The following DDX10 variants were observed in gnomAD, a reference collection of about 807,000 sequenced individuals.
DDX10 encodes DEAD-box helicase 10.
In DDX10, 74 loss-of-function variants were observed where a neutral mutation model predicts 104.3. That is an observed-to-expected ratio of 0.71 (90% CI 0.59 to 0.86). DDX10 has a LOEUF of 0.86. Ranked by LOEUF, DDX10 falls within the 40% of genes least tolerant of loss-of-function variation. The probability of loss-of-function intolerance (pLI) is 0.00; values close to 1 mark genes in which losing one functional copy is unlikely to be tolerated. For synonymous variants in DDX10, 351 were observed against 353.4 expected, an observed-to-expected ratio of 0.99 and a Z score of 0.08; for missense variants, 952 against 1,040.0, an observed-to-expected ratio of 0.92 and a Z score of 1.16.
At chr11:108,814,617 A>T (rs1376716162) in intron 13 of DDX10, among the ~76,000 whole-genome samples, 1 of 152,186 alleles carries the variant, frequency 6.6e-6, no homozygotes, top group Non-Finnish European at 1.5e-5. Context: ...TGCTTCATAC[A>T]ATCTTGAGCT....
chr11:108,674,165 T>C (rs1265302466), intron 2 of DDX10, among the ~76,000 whole-genome samples: 1 of 151,860 alleles, frequency 6.6e-6, no homozygotes, highest in African/African-American at 2.4e-5. Flanking sequence ...CTACTAAAAA[T>C]ACAAAAATTA....
At chr11:108,805,161 T>G (rs1023882331) in intron 13 of DDX10, among the ~76,000 whole-genome samples, 1 of 152,224 alleles carries the variant, frequency 6.6e-6, no homozygotes, top group African/African-American at 2.4e-5. Context: ...TTATATATTG[T>G]GTTCATGCCA....
chr11:108,918,828 T>C (rs1033809998), intron 17 of DDX10: 1 of 152,200 alleles, frequency 6.6e-6, no homozygotes, highest in South Asian at 2.1e-4. Context: ...TAAGAGTTTA[T>C]TGATTTCAAA....
chr11:108,772,769 T>C (rs1037007093), intron 13 of DDX10, among the ~76,000 whole-genome samples: 16 of 152,166 alleles, frequency 1.1e-4, no homozygotes, highest in African/African-American at 3.6e-4. Flanking sequence ...TCATAGGCGC[T>C]CGATCCCTAT....
intron 16 of DDX10, among the ~76,000 whole-genome samples, chr11:108,891,409 A>G (rs570751223): frequency 6.6e-6 from 1 of 152,284 alleles, no homozygotes; most frequent in South Asian, 2.1e-4. Context: ...TGGCTGGCAG[A>G]TAATTAAGTC....
At chr11:108,672,026 A>G (rs190428583) in intron 1 of DDX10, among the ~76,000 whole-genome samples, 5 of 138,240 alleles carry the variant, frequency 3.6e-5, no homozygotes, top group African/African-American at 5.4e-5. Context: ...GCGCCACTGC[A>G]CTCCAGCCTG....
intron 17 of DDX10, among the ~76,000 whole-genome samples, chr11:108,926,983 G>A (rs1005726919): frequency 9.9e-5 from 15 of 152,168 alleles, no homozygotes; most frequent in Admixed American, 3.9e-4. Context: ...CTAAATTCTT[G>A]TCTCTCACAG....
At chr11:108,744,374 C>T (rs773940896) in intron 13 of DDX10, among the ~76,000 whole-genome samples, 8 of 152,036 alleles carry the variant, frequency 5.3e-5, no homozygotes, top group Non-Finnish European at 5.9e-5. Flanking sequence ...ACTTAGAACC[C>T]CAACTTTATT....
intron 13 of DDX10, among the ~76,000 whole-genome samples, chr11:108,732,473 T>C (rs1237045179): frequency 2.6e-5 from 4 of 152,206 alleles, no homozygotes; most frequent in Admixed American, 1.3e-4. Context: ...GTGCGCACAC[T>C]TGGAGTATAA....
chr11:108,904,102 T>A (rs982426162), intron 16 of DDX10, among the ~76,000 whole-genome samples: 26 of 151,924 alleles, frequency 1.7e-4, no homozygotes, highest in Non-Finnish European at 3.4e-4. Context: ...AGAAAAAAAA[T>A]TTTTTTTACT....
intron 16 of DDX10, among the ~76,000 whole-genome samples, chr11:108,882,691 TAAC>T (rs754491515): frequency 5.3e-5 from 8 of 152,332 alleles, no homozygotes; most frequent in Non-Finnish European, 1.2e-4. Context: ...AAGTGAGACT[TAAC>T]AAGTTTCTTG....
At position 108,770,096 on chromosome 11, in the gene DDX10, A is replaced by G. The variant is rs907009723; in HGVS notation, c.1965+46634A>G. 2.6e-5 allele frequency among the ~76,000 whole-genome samples: 4 copies of G among 152,232 alleles called. No individual in the cohort carries two copies. In the East Asian group the frequency reaches 5.8e-4, roughly 22 times the overall value. On this transcript the variant is annotated intron_variant, in intron 13 of 17. Coordinates refer to ENST00000322536, the MANE Select transcript of DDX10 (RefSeq NM_004398.4). Reference sequence around the variant, plus strand: ...AGGTGTTAAGAAAATCTGGCCTCACACAGATTGGTAGTGGGAAAAGGAGGA... The same window carrying G: ...AGGTGTTAAGAAAATCTGGCCTCACGCAGATTGGTAGTGGGAAAAGGAGGA...
chr11:108,867,583 G>A (rs1863023681), intron 16 of DDX10, among the ~76,000 whole-genome samples: 1 of 152,158 alleles, frequency 6.6e-6, no homozygotes, highest in South Asian at 2.1e-4. Flanking sequence ...TGTGTATGGA[G>A]TACATTCATT....
chr11:108,717,683 A>G (rs984260087), intron 11 of DDX10, among the ~76,000 whole-genome samples: 3 of 152,198 alleles, frequency 2.0e-5, no homozygotes, highest in Non-Finnish European at 4.4e-5. Context: ...GCAAATTATC[A>G]TTGGTGTGCT....
rs1372341058 is a variant in DDX10 at position 108,723,390 on chromosome 11, A to G, written c.1893A>G (p.Glu631=). The change falls in exon 13 of 18, where the codon GAA becomes GAG. Residue 631 remains glutamate, a synonymous_variant. Transcript: ENST00000322536. ...TQFLDRDEEE[E]DADFLKVKRH... ...TCTTGGACAGAGATGAGGAGGAAGA[A>G]GATGCTGATTTCTTGAAGGTGAAGC... The G allele has an allele frequency of 9.9e-6, 16 of 1,614,004 alleles. No individual in the cohort carries two copies. Among genetic ancestry groups the G allele is most frequent in the Middle Eastern group, 1.7e-4 (1 of 6,058 alleles).
At chr11:108,856,388 G>A (rs1348789552) in intron 16 of DDX10, among the ~76,000 whole-genome samples, 1 of 151,740 alleles carries the variant, frequency 6.6e-6, no homozygotes, top group East Asian at 1.9e-4. Context: ...CCGAGATTAC[G>A]CCACTGCAGT....
rs778896849 is a variant in DDX10 at position 108,675,636 on chromosome 11, G to T, written c.288G>T (p.Gln96His). 1 of 1,614,190 alleles carries T rather than the reference G, an allele frequency of 6.2e-7. No individual in the cohort carries two copies. The highest frequency in any genetic ancestry group is 2.2e-5 in the East Asian group (1 of 44,888). Residue 96 changes from glutamine (Q) to histidine (H), a missense_variant, in exon 3 of 18, where the codon CAG becomes CAT. Physicochemically the swap from Gln to His is conservative, Grantham distance 24 (BLOSUM62 0). Transcript: ENST00000322536. The stretch of plus-strand genomic sequence containing the variant: ...AGTACCGTTTGGTGACTGAGATACA[G>T]AAGCAGACCATTGGATTGGCTTTGC... ...EAQYRLVTEI[Q>H]KQTIGLALQG...
intron 9 of DDX10, among the ~76,000 whole-genome samples, chr11:108,704,866 TG>T (rs1467303497): frequency 2.0e-5 from 3 of 152,214 alleles, no homozygotes; most frequent in Non-Finnish European, 4.4e-5. Context: ...AAGTATCCAC[TG>T]GACTCTCAAA....
intron 16 of DDX10, among the ~76,000 whole-genome samples, chr11:108,890,387 G>C (rs1188451445): frequency 6.6e-6 from 1 of 152,116 alleles, no homozygotes; most frequent in Non-Finnish European, 1.5e-5. Context: ...AATGGTGTCT[G>C]TGTAGTAGGA....
Sources: gnomAD v4.1 joint callset for allele counts (sites outside exome capture counted in the v4.1 genomes callset) on GRCh38, gnomAD v4.1.1 for gene constraint, MANE v1.5 for transcripts, NCBI Gene and HGNC (gene_info 2026-07-23, HGNC 2026-07-21) for gene names.